ELOVL6: variants seen among roughly 807,000 people sequenced by gnomAD.
ELOVL6 encodes ELOVL fatty acid elongase 6.
ELOVL6 carries 8 observed loss-of-function variants against 31.7 expected under a neutral mutation model. The ratio of observed to expected loss-of-function variants is 0.25; its 90% CI spans 0.15 to 0.45. The LOEUF (loss-of-function observed/expected upper bound fraction) is 0.45. Among genes scored for constraint, ELOVL6 ranks in the 20% least tolerant of loss-of-function variants. ELOVL6 has a pLI of 1.00. For synonymous variants in ELOVL6, 101 were observed against 117.7 expected (o/e 0.86, Z 0.92); for missense variants, 126 against 326.4 (o/e 0.39, Z 4.73).
In ELOVL6 at chr4:110,084,741, C is replaced by T. The variant is rs372916988; in HGVS notation, c.221+20756G>A. Among the ~76,000 whole-genome samples, 205 of 150,290 alleles carry T rather than the reference C, an allele frequency of 1.4e-3. 1 individual carries two copies. Among genetic ancestry groups the T allele is most frequent in the East Asian group, 0.012 (60 of 5,088 alleles). ...TCCTGAGTAGCTGGGGCTACAGGTG[C>T]GTGCCACCACACCTGGCTAATTTTT... On this transcript the variant is annotated intron_variant, in intron 2 of 3. Coordinates refer to ENST00000302274, the MANE Select transcript of ELOVL6 (RefSeq NM_024090.3).
chr4:110,094,424 TATATATATATATATATATA>T (rs1756510884), intron 2 of ELOVL6, among the ~76,000 whole-genome samples: 1 of 62,636 alleles, frequency 1.6e-5, no homozygotes, highest in African/African-American at 5.9e-5. Context: ...TATATATATA[TATATATATATATATATATA>T]ATATATATAA....
intron 3 of ELOVL6, among the ~76,000 whole-genome samples, chr4:110,056,175 ACTAGATCTTTT>A (rs1441161965): frequency 1.3e-5 from 2 of 151,344 alleles, no homozygotes; most frequent in Non-Finnish European, 2.9e-5. Flanking sequence ...TTTTTTTCTC[ACTAGATCTTTT>A]CCTTTTGGTG....
chr4:110,163,032 C>G (rs1195829526), intron 1 of ELOVL6, among the ~76,000 whole-genome samples: 1 of 152,180 alleles, frequency 6.6e-6, no homozygotes, highest in Admixed American at 6.5e-5. Context: ...AAGACCCAAT[C>G]ATTTAGATAA....
chr4:110,081,212 T>C (rs1327332823), intron 2 of ELOVL6, among the ~76,000 whole-genome samples: 1 of 152,128 alleles, frequency 6.6e-6, no homozygotes, highest in Non-Finnish European at 1.5e-5. Context: ...AAGCTACCAA[T>C]GATTTTCTTC....
At chr4:110,117,903 A>AAAAAAATT in intron 1 of ELOVL6, 1 of 6,504 alleles carries the variant, frequency 1.5e-4, no homozygotes, top group African/African-American at 3.3e-4. Context: ...AAAAAAAAAA[A>AAAAAAATT]ATATATATAT....
intron 2 of ELOVL6, among the ~76,000 whole-genome samples, chr4:110,082,959 T>C (rs1319584738): frequency 6.7e-6 from 1 of 149,218 alleles, no homozygotes; most frequent in East Asian, 1.9e-4. Flanking sequence ...CTAGTGAATG[T>C]TAACTGAAGA....
intron 1 of ELOVL6, among the ~76,000 whole-genome samples, chr4:110,142,810 G>A (rs79721360): frequency 0.11 from 17,255 of 152,174 alleles, 1,057 homozygotes; most frequent in Non-Finnish European, 0.12. Context: ...AGTTATCACA[G>A]TCCTATAACA....
intron 1 of ELOVL6, among the ~76,000 whole-genome samples, chr4:110,171,268 G>A (rs112852125): frequency 0.013 from 2,017 of 152,172 alleles, 41 homozygotes; most frequent in African/African-American, 0.046. Context: ...AATTAGCTGG[G>A]TGTGGTGGTT....
At chr4:110,111,235 G>A (rs1757025732) in intron 1 of ELOVL6, among the ~76,000 whole-genome samples, 1 of 152,010 alleles carries the variant, frequency 6.6e-6, no homozygotes, top group Non-Finnish European at 1.5e-5. Context: ...TATTACAACT[G>A]GACATAAGAT....
intron 3 of ELOVL6, among the ~76,000 whole-genome samples, chr4:110,055,872 T>C (rs534080820): frequency 6.6e-6 from 1 of 152,298 alleles, no homozygotes; most frequent in East Asian, 1.9e-4. Flanking sequence ...GCTCTTTTCC[T>C]CTCACTTGTT....
At chr4:110,170,839 TC>T (rs1321002198) in intron 1 of ELOVL6, among the ~76,000 whole-genome samples, 6 of 152,144 alleles carry the variant, frequency 3.9e-5, no homozygotes, top group African/African-American at 1.2e-4. Flanking sequence ...GGCTCGCAAC[TC>T]CCACAGCCCT....
chr4:110,143,946 C>T (rs749320810), intron 1 of ELOVL6, among the ~76,000 whole-genome samples: 6 of 149,546 alleles, frequency 4.0e-5, no homozygotes, highest in Non-Finnish European at 8.9e-5. Flanking sequence ...CCCAGCTACT[C>T]GGGAGGCTGA....
chr4:110,083,999 TATGC>T (rs1560813415), intron 2 of ELOVL6, among the ~76,000 whole-genome samples: 11 of 86,778 alleles, frequency 1.3e-4, no homozygotes, highest in Non-Finnish European at 2.3e-4. Context: ...ATATATAACA[TATGC>T]CATATATGGT....
chr4:110,083,748 C>A (rs549735209), intron 2 of ELOVL6, among the ~76,000 whole-genome samples: 2 of 150,378 alleles, frequency 1.3e-5, no homozygotes, highest in Admixed American at 6.6e-5. Context: ...TATATTGTGT[C>A]CCGCATTTCC....
At chr4:110,176,710 C>A (rs758175214) in intron 1 of ELOVL6, among the ~76,000 whole-genome samples, 2 of 152,170 alleles carry the variant, frequency 1.3e-5, no homozygotes, top group African/African-American at 4.8e-5. Context: ...TGGTTTAAGC[C>A]TCTCAAGGCG....
intron 1 of ELOVL6, among the ~76,000 whole-genome samples, chr4:110,154,122 G>C (rs997686033): frequency 6.6e-6 from 1 of 151,782 alleles, no homozygotes. Flanking sequence ...TGTCACCCAG[G>C]GTGGTGTGCA....
intron 1 of ELOVL6, among the ~76,000 whole-genome samples, chr4:110,178,434 T>C (rs981977171): frequency 6.6e-6 from 1 of 151,716 alleles, no homozygotes; most frequent in African/African-American, 2.4e-5. Flanking sequence ...CACTACTACT[T>C]GGGAGGCTGA....
rs1445309536 is a variant in ELOVL6 at position 110,186,817 on chromosome 4, AAAAAAATAT to A, written c.89+11421_89+11429del. Reference sequence around the variant, plus strand: ...AGACTCTGTCTCAAAAAAAAAAAAAAAAAAAATATATATATATATATATATATTTATATA... The same window carrying A: ...AGACTCTGTCTCAAAAAAAAAAAAAAATATATATATATATATATTTATATA... On this transcript the variant is annotated intron_variant, in intron 1 of 3. Coordinates refer to ENST00000302274, the MANE Select transcript of ELOVL6 (RefSeq NM_024090.3). Among the ~76,000 whole-genome samples the A allele has an allele frequency of 3.0e-3, 324 of 109,444 alleles. 1 individual carries two copies. The highest frequency in any genetic ancestry group is 8.5e-3 in the South Asian group (29 of 3,420). The allele number at this position is 109,444 out of a possible 152,430, so 71.8% of individuals were successfully genotyped here.
intron 1 of ELOVL6, among the ~76,000 whole-genome samples, chr4:110,143,223 C>T (rs1267142636): frequency 6.6e-6 from 1 of 151,230 alleles, no homozygotes; most frequent in African/African-American, 2.4e-5. Context: ...AAGATCAGCT[C>T]AAATAAATAG....
Sources: gnomAD v4.1 joint callset for allele counts (sites outside exome capture counted in the v4.1 genomes callset) on GRCh38, gnomAD v4.1.1 for gene constraint, MANE v1.5 for transcripts, NCBI Gene and HGNC (gene_info 2026-07-23, HGNC 2026-07-21) for gene names.